RPS24: variants seen among roughly 807,000 people sequenced by gnomAD.
RPS24 encodes the protein small ribosomal subunit protein eS24.
For missense variants in RPS24, 100 were observed against 162.5 expected (o/e 0.62, Z 2.09); for synonymous variants, 72 against 55.6 (o/e 1.30, Z -1.31).
In RPS24 at chr10:78,037,284, A is replaced by G. The variant is rs1225845001; in HGVS notation, c.370A>G (p.Asn124Asp). The change falls in exon 4 of 6, where the codon AAT becomes GAT. Residue 124 changes from asparagine to aspartate, a missense_variant. Transcript: ENST00000372360. ...GAAAGTCAGGGGGACTGCAAAGGCC[A>G]ATGTTGGTGCTGGCAAAAAGGTATA... ...MKKVRGTAKA[N>D]VGAGKK The G allele has an allele frequency of 1.9e-6, 3 of 1,604,414 alleles. No individual in the cohort carries two copies. The African/African-American group carries it at 4.0e-5, about 21-fold the overall frequency.
intron 4 of RPS24, chr10:78,054,437 A>T: frequency 9.1e-7 from 1 of 1,095,250 alleles, no homozygotes; most frequent in Non-Finnish European, 1.3e-6. Flanking sequence ...CAAGTGAGGG[A>T]GGTGCAGAAT....
chr10:78,041,244 G>A (rs982165384), downstream of RPS24, among the ~76,000 whole-genome samples: 1 of 152,030 alleles, frequency 6.6e-6, no homozygotes, highest in African/African-American at 2.4e-5. Context: ...TACCGTGAAG[G>A]CAGAAGGGTT....
chr10:78,055,249 C>T (rs1447890240), exon 5 of RPS24: 4 of 460,468 alleles, frequency 8.7e-6, no homozygotes, highest in Admixed American at 4.2e-5. Flanking sequence ...CCAGCGGCTC[C>T]TACCACATTT....
At chr10:78,056,678 G>T (rs1170879341) in exon 5 of RPS24, 1 of 152,242 alleles carries the variant, frequency 6.6e-6, no homozygotes, top group Non-Finnish European at 1.5e-5. Context: ...TGACGACACA[G>T]TTGACAATTT....
rs1847847281 is a variant in RPS24, at chr10:78,035,562, C to T, written c.121C>T (p.Arg41Trp). ...GKATVPKTEI[R>W]EKLAKMYKTT... ...GGCGACAGTGCCTAAGACAGAAATT[C>T]GGGAAAAACTAGCCAAAATGTACAA... Residue 41 changes from arginine to tryptophan, a missense_variant, in exon 3 of 6, where the codon CGG becomes TGG. Arg to Trp is a moderately radical substitution (Grantham distance 101, BLOSUM62 -3). Transcript: ENST00000372360. The T allele has an allele frequency of 1.9e-6, 3 of 1,614,028 alleles. No homozygotes were observed. Among genetic ancestry groups the T allele is most frequent in the Non-Finnish European group, 2.5e-6 (3 of 1,180,018 alleles).
At position 78,040,218 on chromosome 10, in the gene RPS24, G is replaced by A; in HGVS notation, c.*12G>A. 1 of 1,613,506 alleles carries A rather than the reference G, an allele frequency of 6.2e-7. No individual in the cohort carries two copies. Among genetic ancestry groups the A allele is most frequent in the Non-Finnish European group, 8.5e-7 (1 of 1,179,540 alleles). ...CACTGATTCAGTGAGCTGGAGATTG[G>A]ATCACAGGTATAATTCAAGCTTTTC... is the stretch of plus-strand genomic sequence containing the variant. On this transcript the variant is annotated 3_prime_UTR_variant, in exon 5 of 6. Transcript: ENST00000372360.
chr10:78,034,245 T>G, intron 1 of RPS24: 2 of 469,328 alleles, frequency 4.3e-6, no homozygotes, highest in East Asian at 3.8e-5. Flanking sequence ...CTCATTGGGC[T>G]AGGTAGGCGG....
intron 4 of RPS24, among the ~76,000 whole-genome samples, chr10:78,046,538 A>G (rs1368866181): frequency 1.3e-5 from 2 of 151,686 alleles, no homozygotes; most frequent in East Asian, 1.9e-4. Context: ...TTTGTATAGT[A>G]GAGACAGGGT....
chr10:78,035,122 GAAGT>G (rs1847834964), intron 1 of RPS24, among the ~76,000 whole-genome samples: 1 of 152,226 alleles, frequency 6.6e-6, no homozygotes, highest in South Asian at 2.1e-4. Flanking sequence ...ATAACCTAGT[GAAGT>G]AAGTTGTACA....
chr10:78,040,526 T>C, intron 5 of RPS24, 89 bp from the exon 6 acceptor site: 1 of 918,914 alleles, frequency 1.1e-6, no homozygotes, highest in Non-Finnish European at 1.8e-6. Flanking sequence ...TAATAATTGT[T>C]GTGCATGAGT....
At chr10:78,036,165 T>G in intron 3 of RPS24, 1 of 217,174 alleles carries the variant, frequency 4.6e-6, no homozygotes, top group Admixed American at 5.2e-5. Flanking sequence ...CCAGCTTACA[T>G]TCTAGTAAAC....
At chr10:78,049,140 T>C (rs1157994060) in intron 4 of RPS24, 1 of 152,144 alleles carries the variant, frequency 6.6e-6, no homozygotes, top group African/African-American at 2.4e-5. Context: ...AGGAGTAAGC[T>C]TCAGGCGTCT....
At chr10:78,044,852 C>T (rs141868304), downstream of RPS24, among the ~76,000 whole-genome samples, 1 of 151,330 alleles carries the variant, frequency 6.6e-6, no homozygotes, top group African/African-American at 2.4e-5. Context: ...AGATGTTCTG[C>T]AGTGGATTGT....
intron 4 of RPS24, chr10:78,054,523 T>C: frequency 2.0e-6 from 3 of 1,528,710 alleles, no homozygotes; most frequent in Non-Finnish European, 2.6e-6. Flanking sequence ...TCCTTCCCGC[T>C]TTTGCAGATG....
At chr10:78,051,129 G>T (rs972034097) in intron 4 of RPS24, among the ~76,000 whole-genome samples, 3 of 152,200 alleles carry the variant, frequency 2.0e-5, no homozygotes, top group African/African-American at 7.2e-5. Flanking sequence ...GGCAGAGGTT[G>T]CAGCGAGCTG....
At chr10:78,050,484 G>A (rs367637457) in intron 4 of RPS24, among the ~76,000 whole-genome samples, 1 of 152,172 alleles carries the variant, frequency 6.6e-6, no homozygotes, top group African/African-American at 2.4e-5. Context: ...GCAAGTGGCC[G>A]CTTTAAAAAG....
exon 5 of RPS24, chr10:78,056,660 A>G (rs1389827812): frequency 1.3e-5 from 2 of 152,228 alleles, no homozygotes; most frequent in Admixed American, 6.5e-5. Context: ...CCACAAGTGA[A>G]GCCACCCTGA....
downstream of RPS24, among the ~76,000 whole-genome samples, chr10:78,045,033 G>A (rs555702515): frequency 6.6e-6 from 1 of 152,074 alleles, no homozygotes; most frequent in East Asian, 1.9e-4. Context: ...TTGTTGCCCC[G>A]GCTGGAGTGC....
chr10:78,055,163 C>G, exon 5 of RPS24: 1 of 1,269,940 alleles, frequency 7.9e-7, no homozygotes, highest in Non-Finnish European at 1.0e-6. Context: ...ATCTCTCTCA[C>G]CCAAATGCCA....
Sources: allele counts gnomAD v4.1 joint callset (sites outside exome capture counted in the v4.1 genomes callset), GRCh38; gene constraint gnomAD v4.1.1; transcripts MANE v1.5; gene names NCBI Gene and HGNC (gene_info 2026-07-23, HGNC 2026-07-21).